STAU2: variants seen among roughly 807,000 people sequenced by gnomAD.
The protein encoded by STAU2 is double-stranded RNA-binding protein Staufen homolog 2.
STAU2 carries 20 observed loss-of-function variants against 65.9 expected under a neutral mutation model. The ratio of observed to expected loss-of-function variants is 0.30; its 90% CI spans 0.21 to 0.44. The LOEUF is 0.44. STAU2 is among the 20% of genes least tolerant of loss of function. STAU2 has a pLI of 1.00. For missense variants in STAU2, 558 were observed against 683.9 expected (o/e 0.82, Z 2.05); for synonymous variants, 232 against 233.9 (o/e 0.99, Z 0.07).
At position 73,420,931 on chromosome 8, in the gene STAU2, T is replaced by C. The variant is rs1424019202; in HGVS notation, c.*441A>G. 6.2e-6 allele frequency: 1 copy of C among 160,444 alleles called. No homozygotes were observed. The highest frequency in any genetic ancestry group is 1.4e-5 in the Non-Finnish European group (1 of 73,118). 9.9% of individuals were successfully genotyped at this position (160,444 alleles called of 1,614,324 possible). ...ACCATCACATTCCACAGCACATCATTGGTTCATTTTCGAATTGTCAAGCAG... is the reference window on the plus strand; with the variant it reads ...ACCATCACATTCCACAGCACATCATCGGTTCATTTTCGAATTGTCAAGCAG... On this transcript the variant is annotated 3_prime_UTR_variant, in exon 15 of 15. Coordinates refer to ENST00000524300, the MANE Select transcript of STAU2 (RefSeq NM_001164380.2).
chr8:73,597,597 G>A lies in STAU2; in HGVS notation c.1030-2300C>T, dbSNP rs562452136. 1.8e-4 allele frequency among the ~76,000 whole-genome samples: 27 copies of A among 147,540 alleles called. No homozygotes were observed. The South Asian group carries it at 5.4e-3, about 29-fold the overall frequency. On this transcript the variant is annotated intron_variant, in intron 10 of 14. Coordinates refer to ENST00000524300, the MANE Select transcript of STAU2 (RefSeq NM_001164380.2). ...ATGCAGGAGAATTGCCTGGACCCAG[G>A]AGAAAGAGGCTGCAGTGAGCCGAGA...
chr8:73,481,519 A>AAAC lies in STAU2; in HGVS notation c.1531-58818_1531-58817insGTT, dbSNP rs1554595577. ...ATAAGCCAAAAAAACAAAAAAACAA[A>AAAC]AAAAAAAAACACTTTTTTTGAGTGA... On this transcript the variant is annotated intron_variant, in intron 13 of 14. Transcript: ENST00000524300. Among the ~76,000 whole-genome samples the AAAC allele has an allele frequency of 3.3e-4, 44 of 131,478 alleles. 1 individual carries two copies. The South Asian group carries it at 0.01, about 31-fold the overall frequency. 86.3% of individuals were successfully genotyped at this position (131,478 alleles called of 152,430 possible).
At chr8:73,495,882 G>A (rs1821395023) in intron 13 of STAU2, among the ~76,000 whole-genome samples, 1 of 151,298 alleles carries the variant, frequency 6.6e-6, no homozygotes, top group Admixed American at 6.6e-5. Context: ...AAGTTTGTAT[G>A]TTCTCTTTTG....
At chr8:73,577,244 C>T (rs1208954251) in intron 12 of STAU2, among the ~76,000 whole-genome samples, 7 of 151,840 alleles carry the variant, frequency 4.6e-5, no homozygotes, top group African/African-American at 9.7e-5. Flanking sequence ...CTGGCTAACA[C>T]AATGAAACCC....
At chr8:73,477,168 G>A (rs1406588411) in intron 13 of STAU2, among the ~76,000 whole-genome samples, 1 of 152,140 alleles carries the variant, frequency 6.6e-6, no homozygotes, top group Non-Finnish European at 1.5e-5. Flanking sequence ...GCCATCAGAC[G>A]GGAGGGGAAG....
intron 3 of STAU2, among the ~76,000 whole-genome samples, chr8:73,713,407 TCA>T (rs1479024178): frequency 6.6e-6 from 1 of 152,098 alleles, no homozygotes; most frequent in East Asian, 1.9e-4. Flanking sequence ...CCAAAGGAGT[TCA>T]CAGTCTGATA....
At chr8:73,673,482 C>G (rs774252274) in intron 5 of STAU2, among the ~76,000 whole-genome samples, 1 of 152,068 alleles carries the variant, frequency 6.6e-6, no homozygotes, top group Non-Finnish European at 1.5e-5. Context: ...AGTGTGCAAT[C>G]ATTACTATCA....
chr8:73,467,860 A>G (rs535410091), intron 13 of STAU2, among the ~76,000 whole-genome samples: 322 of 152,312 alleles, frequency 2.1e-3, no homozygotes, highest in African/African-American at 7.3e-3. Flanking sequence ...AATCAATATC[A>G]TGAAAATGGC....
At chr8:73,570,891 A>C (rs1809028822) in intron 12 of STAU2, among the ~76,000 whole-genome samples, 1 of 152,192 alleles carries the variant, frequency 6.6e-6, no homozygotes, top group Admixed American at 6.5e-5. Context: ...TTTACAGACA[A>C]GCAAATGCTG....
chr8:73,483,542 T>C (rs1384509244), intron 13 of STAU2, among the ~76,000 whole-genome samples: 1 of 152,134 alleles, frequency 6.6e-6, no homozygotes, highest in African/African-American at 2.4e-5. Flanking sequence ...AGCTGCATGA[T>C]CTAGAGAGAA....
intron 13 of STAU2, among the ~76,000 whole-genome samples, chr8:73,501,712 A>G (rs1821763416): frequency 6.6e-6 from 1 of 152,028 alleles, no homozygotes; most frequent in South Asian, 2.1e-4. Flanking sequence ...TTTGGCCTTA[A>G]TGGGAAAAGA....
At chr8:73,637,477 T>TAAAAAAAAAAAAA (rs60833468) in intron 6 of STAU2, among the ~76,000 whole-genome samples, 2,656 of 57,202 alleles carry the variant, frequency 0.046, 17 homozygotes, top group East Asian at 0.078. Context: ...GTGCTGAAAG[T>TAAAAAAAAAAAAA]AAAAAAAAAA....
intron 13 of STAU2, among the ~76,000 whole-genome samples, chr8:73,424,647 A>G (rs78731105): frequency 0.013 from 1,930 of 152,166 alleles, 36 homozygotes; most frequent in African/African-American, 0.044. Context: ...TTTGGCAACT[A>G]TGAATAAAAC....
At chr8:73,525,363 G>A (rs1011889256) in intron 13 of STAU2, among the ~76,000 whole-genome samples, 49 of 152,276 alleles carry the variant, frequency 3.2e-4, no homozygotes, top group East Asian at 1.2e-3. Context: ...CATTCACACC[G>A]CAGTTATTGT....
intron 13 of STAU2, among the ~76,000 whole-genome samples, chr8:73,512,370 C>T (rs1339065247): frequency 6.6e-6 from 1 of 152,138 alleles, no homozygotes; most frequent in Non-Finnish European, 1.5e-5. Flanking sequence ...AAAGGTTCAT[C>T]TAATCCATGA....
chr8:73,658,788 C>A (rs746988637), intron 6 of STAU2, among the ~76,000 whole-genome samples: 1 of 152,052 alleles, frequency 6.6e-6, no homozygotes, highest in South Asian at 2.1e-4. Flanking sequence ...TGGCACGTGC[C>A]TGTAGTCCCA....
chr8:73,621,802 T>G (rs1813256558), intron 6 of STAU2, among the ~76,000 whole-genome samples: 1 of 152,142 alleles, frequency 6.6e-6, no homozygotes, highest in South Asian at 2.1e-4. Context: ...AACCATAATT[T>G]TAAGCTGCCC....
At chr8:73,712,784 A>C (rs28750095) in intron 3 of STAU2, among the ~76,000 whole-genome samples, 1 of 151,704 alleles carries the variant, frequency 6.6e-6, no homozygotes, top group African/African-American at 2.4e-5. Context: ...GCGAGACCTC[A>C]TCTCTACAAA....
intron 13 of STAU2, among the ~76,000 whole-genome samples, chr8:73,466,890 G>T (rs1361560159): frequency 1.3e-5 from 2 of 152,222 alleles, no homozygotes; most frequent in Admixed American, 1.3e-4. Flanking sequence ...GAGCCTCCCA[G>T]TCTTGGCATG....
Sources: gnomAD v4.1 joint callset for allele counts (sites outside exome capture counted in the v4.1 genomes callset) on GRCh38, gnomAD v4.1.1 for gene constraint, MANE v1.5 for transcripts, NCBI Gene and HGNC (gene_info 2026-07-23, HGNC 2026-07-21) for gene names.